SYNE4: variants seen among roughly 807,000 people sequenced by gnomAD.
SYNE4 encodes nesprin-4.
SYNE4 carries 41 observed loss-of-function variants against 46.9 expected under a neutral mutation model. The observed-to-expected ratio is 0.87, with a 90% CI of 0.68 to 1.13. SYNE4 has a LOEUF of 1.13. Ranked by LOEUF, SYNE4 falls within the 50% of genes most tolerant of loss-of-function variation. SYNE4 has a pLI of 0.00. For synonymous variants in SYNE4, 221 were observed against 219.5 expected (o/e 1.01, Z -0.06); for missense variants, 492 against 514.8 (o/e 0.96, Z 0.43).
chr19:36,004,170 A>G (rs1439317481), intron 6 of SYNE4, among the ~76,000 whole-genome samples: 3 of 151,808 alleles, frequency 2.0e-5, no homozygotes, highest in Admixed American at 2.0e-4. Flanking sequence ...CACTGCAACC[A>G]TTTACTTTTG....
rs778667624 is a variant in SYNE4, at chr19:36,003,660, C to G, written c.984G>C (p.Arg328Ser). Residue 328 changes from arginine (R) to serine (S), a missense_variant, in exon 7 of 8, where the codon AGG becomes AGC. Transcript: ENST00000324444. ...SLLRKPQDKK[R>S]QASPHLQDVR... ...CATCCTGGAGATGAGGAGATGCTTG[C>G]CTCTTCTTGTCCTAAGGAGGGAGAG... 3.7e-6 allele frequency: 6 copies of G among 1,612,762 alleles called. No individual in the cohort carries two copies. The East Asian group carries it at 1.3e-4, about 36-fold the overall frequency.
intron 2 of SYNE4, chr19:36,007,497 T>G (rs1452857635): frequency 5.1e-6 from 5 of 985,110 alleles, no homozygotes; most frequent in Non-Finnish European, 6.0e-6. Flanking sequence ...TCCTGGAAAC[T>G]TGGATGTGTG....
In SYNE4 at chr19:36,008,690, G is replaced by T. The variant is rs760205161; in HGVS notation, c.-9C>A. On this transcript the variant is annotated 5_prime_UTR_variant, in exon 1 of 8. Coordinates refer to ENST00000324444, the MANE Select transcript of SYNE4 (RefSeq NM_001039876.3). ...GGCAGGGACAGGGCCATGGCTGGGG[G>T]CCTGGGGACACAAAGTCAGGTGAGG... The T allele has an allele frequency of 5.0e-6, 8 of 1,604,174 alleles. No individual in the cohort carries two copies. The East Asian group carries it at 1.3e-4, about 27-fold the overall frequency.
chr19:36,003,766 C>T (rs1466208739), intron 6 of SYNE4, 95 bp from the exon 7 acceptor site: 16 of 1,527,560 alleles, frequency 1.0e-5, no homozygotes, highest in Non-Finnish European at 1.3e-5. Context: ...GGCACCCACG[C>T]TGGACTGCAA....
Position 36,008,764 on chromosome 19 carries a change from C to T in SYNE4, c.-83G>A. 1.3e-6 allele frequency: 2 copies of T among 1,481,754 alleles called. No homozygotes were observed. Among genetic ancestry groups the T allele is most frequent in the Non-Finnish European group, 1.8e-6 (2 of 1,115,526 alleles). 91.8% of individuals were successfully genotyped at this position (1,481,754 alleles called of 1,614,324 possible). On this transcript the variant is annotated 5_prime_UTR_variant, in exon 1 of 8. Coordinates refer to ENST00000324444, the MANE Select transcript of SYNE4 (RefSeq NM_001039876.3). ...AGACAAGGGTGTCCCAGAGCTCCTC[C>T]GCTGGAGTCACCCGGGCCTGAGGCT... is the stretch of plus-strand genomic sequence containing the variant.
At chr19:36,006,268 G>C in intron 5 of SYNE4, 155 bp downstream of exon 5, 1 of 1,063,036 alleles carries the variant, frequency 9.4e-7, no homozygotes, top group East Asian at 2.7e-5. Flanking sequence ...ACGAGAGAGA[G>C]AAACAGTGAG....
At position 36,008,199 on chromosome 19, in the gene SYNE4, T is replaced by C; in HGVS notation, c.279+18A>G. On this transcript the variant is annotated intron_variant, in intron 2 of 7. Coordinates refer to ENST00000324444, the MANE Select transcript of SYNE4 (RefSeq NM_001039876.3). The stretch of plus-strand genomic sequence containing the variant: ...GGAGGTGGGGCTGGCACAAGGGGTC[T>C]GGGTCACCTCAGCTCACCTCACAGT... The C allele has an allele frequency of 1.9e-6, 3 of 1,603,226 alleles. No individual in the cohort carries two copies. Among genetic ancestry groups the C allele is most frequent in the Non-Finnish European group, 1.7e-6 (2 of 1,174,170 alleles).
chr19:36,004,851 G>A (rs926375026), intron 6 of SYNE4, among the ~76,000 whole-genome samples: 2 of 131,548 alleles, frequency 1.5e-5, no homozygotes, highest in African/African-American at 2.7e-5. Flanking sequence ...GAGCCCTGAT[G>A]TTATTTCTTT....
At position 36,008,273 on chromosome 19, in the gene SYNE4, G is replaced by A. The variant is rs199759431; in HGVS notation, c.223C>T (p.Pro75Ser). 464 of 1,603,924 alleles carry A rather than the reference G, an allele frequency of 2.9e-4. No individual in the cohort carries two copies. The highest frequency in any genetic ancestry group is 3.7e-4 in the Non-Finnish European group (439 of 1,174,806). The change falls in exon 2 of 8, where the codon CCG becomes TCG. Residue 75 changes from proline (P) to serine (S), a missense_variant. Physicochemically the swap from Pro to Ser is moderately conservative, Grantham distance 74. Coordinates refer to ENST00000324444, the MANE Select transcript of SYNE4 (RefSeq NM_001039876.3). ...TAGGAAGAGGGTGTTGACCATCTCGGGGGGTGAGCGGCAGGCTCATTGCCC... is the reference window on the plus strand; with the variant it reads ...TAGGAAGAGGGTGTTGACCATCTCGAGGGGTGAGCGGCAGGCTCATTGCCC... ...PRGNEPAAHP[P>S]RWSTPSSYED...
intron 1 of SYNE4, 78 bp downstream of exon 1, chr19:36,008,476 G>A (rs1006420994): frequency 1.2e-6 from 2 of 1,606,874 alleles, no homozygotes; most frequent in Admixed American, 1.7e-5. Flanking sequence ...TCACAGCCAT[G>A]GCACCTCCTA....
rs1192758532 is a variant in SYNE4, at chr19:36,003,478, A to T, written c.1074T>A (p.Leu358=). The part of the protein sequence containing the change: ...PASRQPLTFL[L]ILFLLFLLLV... ...GGAGGAGGAAGAGGAGGAAGAGGAT[A>T]AGGAGGAAGGTCAGAGGCTGCCTGG... The change falls in exon 8 of 8, where the codon CTT becomes CTA. Residue 358 remains leucine (L), a synonymous_variant. Coordinates refer to ENST00000324444, the MANE Select transcript of SYNE4 (RefSeq NM_001039876.3). 1.2e-6 allele frequency: 2 copies of T among 1,608,856 alleles called. No homozygotes were observed. Among genetic ancestry groups the T allele is most frequent in the Non-Finnish European group, 8.5e-7 (1 of 1,177,460 alleles).
At chr19:36,005,160 G>A (rs986767544) in intron 6 of SYNE4, among the ~76,000 whole-genome samples, 173 bp downstream of exon 6, 23 of 151,468 alleles carry the variant, frequency 1.5e-4, no homozygotes, top group Admixed American at 4.6e-4. Context: ...GAGCCACTGC[G>A]CCTGGCCTGG....
rs908711450 is a variant in SYNE4 at position 36,004,871 on chromosome 19, T to C, written c.972+462A>G. 7.3e-3 allele frequency among the ~76,000 whole-genome samples: 892 copies of C among 122,312 alleles called. 6 individuals carry two copies. The highest frequency in any genetic ancestry group is 0.011 in the Non-Finnish European group (669 of 61,816). The allele number at this position is 122,312 out of a possible 152,430, so 80.2% of individuals were successfully genotyped here. A position where few individuals can be genotyped will look rare whatever the true frequency, so the allele number is the denominator to read the frequency against. ...CTGATGTTATTTCTTTCTTTCTTTT[T>C]TTTTTTTTTTTTTTTTTTTTTGTTG... On this transcript the variant is annotated intron_variant, in intron 6 of 7. Coordinates refer to ENST00000324444, the MANE Select transcript of SYNE4 (RefSeq NM_001039876.3).
intron 6 of SYNE4, 40 bp from the exon 7 acceptor site, chr19:36,003,711 T>C (rs770617292): frequency 3.1e-6 from 5 of 1,595,854 alleles, no homozygotes; most frequent in South Asian, 2.3e-5. Context: ...TGGATAGAAA[T>C]GATGCTTTAT....
At position 36,007,266 on chromosome 19, in the gene SYNE4, G is replaced by T; in HGVS notation, c.282C>A (p.His94Gln). The T allele has an allele frequency of 6.3e-7, 1 of 1,597,252 alleles. No homozygotes were observed. Among genetic ancestry groups the T allele is most frequent in the South Asian group, 1.1e-5 (1 of 88,120 alleles). The change falls in exon 3 of 8, where the codon CAC (histidine) becomes CAA (glutamine). Residue 94 changes from histidine (H) to glutamine (Q), a missense_variant and splice_region_variant. Physicochemically the swap from His to Gln is conservative, Grantham distance 24. Transcript: ENST00000324444. Reference sequence around the variant, plus strand: ...CTAGTACCTCCAGGCCAGAAATGGGGTGCTGGGGAACACAGGAGCCAGGTC... The same window carrying T: ...CTAGTACCTCCAGGCCAGAAATGGGTTGCTGGGGAACACAGGAGCCAGGTC... ...EDPAGGKHCEHPISGLEVLEA... is the reference protein window; with the variant it reads ...EDPAGGKHCEQPISGLEVLEA...
At chr19:36,003,790 G>T in intron 6 of SYNE4, 119 bp from the exon 7 acceptor site, 2 of 1,430,328 alleles carry the variant, frequency 1.4e-6, no homozygotes, top group Non-Finnish European at 1.9e-6. Flanking sequence ...CTCAATCTCA[G>T]CTCACTGCAA....
Position 36,008,619 on chromosome 19 carries a change from TC to T in SYNE4, c.62del (p.Gly21GlufsTer82). ...LGSEPLNHPP[G>X]APREADIVGC... is the part of the protein sequence containing the mutation. ...CAACAATGTCCGCCTCTCTAGGTGC[TC>T]CCGGTGGGTGGTTGAGGGGCTCTGA... is the stretch of plus-strand genomic sequence containing the variant. On this transcript the variant is annotated frameshift_variant, in exon 1 of 8. Coordinates refer to ENST00000324444, the MANE Select transcript of SYNE4 (RefSeq NM_001039876.3). LOFTEE classifies it high-confidence loss of function. The T allele has an allele frequency of 6.2e-7, 1 of 1,613,926 alleles. No homozygotes were observed. Among genetic ancestry groups the T allele is most frequent in the Middle Eastern group, 1.7e-4 (1 of 6,042 alleles).
chr19:36,006,052 A>G (rs1055888665), intron 5 of SYNE4: 5 of 212,810 alleles, frequency 2.3e-5, no homozygotes, highest in Non-Finnish European at 3.7e-5. Context: ...AAATAAGTAA[A>G]TGTACAAAGT....
At chr19:36,005,042 A>G (rs1976800303) in intron 6 of SYNE4, among the ~76,000 whole-genome samples, 1 of 151,012 alleles carries the variant, frequency 6.6e-6, no homozygotes, top group Non-Finnish European at 1.5e-5. Context: ...TAATTTTTGT[A>G]GTTTTAGTAG....
Sources: allele counts gnomAD v4.1 joint callset (sites outside exome capture counted in the v4.1 genomes callset), GRCh38; gene constraint gnomAD v4.1.1; transcripts MANE v1.5; gene names NCBI Gene and HGNC (gene_info 2026-07-23, HGNC 2026-07-21).